The following DUSP19 variants were observed in gnomAD, a reference collection of about 807,000 sequenced individuals.
DUSP19 encodes the protein dual specificity phosphatase 19.
Under a neutral mutation model 16.6 loss-of-function variants are expected in DUSP19, and 14 were observed. The observed-to-expected ratio is 0.84, with a 90% CI of 0.56 to 1.32. DUSP19 has a LOEUF of 1.32. DUSP19 is among the 40% of genes most tolerant of loss of function. The pLI is 0.00. For missense variants in DUSP19, 258 were observed against 255.9 expected (o/e 1.01, Z -0.06); for synonymous variants, 81 against 90.5 (o/e 0.90, Z 0.59).
At chr2:183,087,002 G>T in intron 2 of DUSP19, 38 bp from the exon 3 acceptor site, 1 of 1,582,922 alleles carries the variant, frequency 6.3e-7, no homozygotes, top group South Asian at 1.2e-5. Context: ...CCTAATTCAT[G>T]GGATTTAAAA....
chr2:183,080,753 G>A (rs1299559270), intron 1 of DUSP19, among the ~76,000 whole-genome samples: 1 of 152,158 alleles, frequency 6.6e-6, no homozygotes, highest in African/African-American at 2.4e-5. Flanking sequence ...GGAGAGTCCT[G>A]GGAGGAACTT....
chr2:183,092,392 C>T (rs1347975343), intron 3 of DUSP19, among the ~76,000 whole-genome samples: 2 of 152,130 alleles, frequency 1.3e-5, no homozygotes, highest in Non-Finnish European at 2.9e-5. Context: ...CCTCCTCCTA[C>T]CCCACCTAAC....
In DUSP19 at chr2:183,078,920, C is replaced by T. The variant is rs776485394; in HGVS notation, c.-14C>T. On this transcript the variant is annotated 5_prime_UTR_variant, in exon 1 of 4. Coordinates refer to ENST00000354221, the MANE Select transcript of DUSP19 (RefSeq NM_080876.4). ...TGGATTTGTTTGTATTTGTTCCCAG[C>T]CACTGCTCATGTAATGTACTCCCTT... is the stretch of plus-strand genomic sequence containing the variant. 1 of 1,611,254 alleles carries T rather than the reference C, an allele frequency of 6.2e-7. No homozygotes were observed. The highest frequency in any genetic ancestry group is 8.5e-7 in the Non-Finnish European group (1 of 1,177,848).
At position 183,096,093 on chromosome 2, in the gene DUSP19, T is replaced by C. The variant is rs1239071645; in HGVS notation, c.*435T>C. On this transcript the variant is annotated 3_prime_UTR_variant, in exon 4 of 4. Transcript: ENST00000354221. ...TATATTTCTTTTTAAAGAATCTTTT[T>C]AAGATTAAAAATGAATACCTTAAAT... The C allele has an allele frequency of 1.3e-5, 2 of 152,692 alleles. No individual in the cohort carries two copies. Among genetic ancestry groups the C allele is most frequent in the Middle Eastern group, 3.1e-3 (1 of 318 alleles). The allele number at this position is 152,692 out of a possible 1,614,324, so 9.5% of individuals were successfully genotyped here. A position where few individuals can be genotyped will look rare whatever the true frequency, so the allele number is the denominator to read the frequency against.
chr2:183,092,587 T>C (rs1219636593), intron 3 of DUSP19, among the ~76,000 whole-genome samples: 1 of 152,156 alleles, frequency 6.6e-6, no homozygotes, highest in African/African-American at 2.4e-5. Flanking sequence ...TTTTTATGGC[T>C]GCATAGTATT....
chr2:183,088,298 A>G (rs1404385006), intron 3 of DUSP19, among the ~76,000 whole-genome samples: 1 of 152,108 alleles, frequency 6.6e-6, no homozygotes, highest in African/African-American at 2.4e-5. Context: ...AAACTGCCTA[A>G]CAACACATTT....
intron 1 of DUSP19, 100 bp downstream of exon 1, chr2:183,079,259 C>T: frequency 1.7e-6 from 2 of 1,193,208 alleles, no homozygotes; most frequent in Non-Finnish European, 1.2e-6. Context: ...ATCAGCTATC[C>T]TGCCGAAAAG....
At chr2:183,083,360 G>C in intron 1 of DUSP19, 148 bp from the exon 2 acceptor site, 1 of 640,854 alleles carries the variant, frequency 1.6e-6, no homozygotes, top group Non-Finnish European at 2.6e-6. Context: ...TAGGATGACT[G>C]TTATCAAATT....
At chr2:183,081,656 A>G (rs928333183) in intron 1 of DUSP19, among the ~76,000 whole-genome samples, 3 of 152,252 alleles carry the variant, frequency 2.0e-5, no homozygotes, top group Non-Finnish European at 4.4e-5. Context: ...TTTCAAATTT[A>G]TAGAAAATTA....
chr2:183,098,784 A>AT lies in DUSP19; in HGVS notation c.*3133dup, dbSNP rs1377992553. The AT allele has an allele frequency of 2.0e-5, 3 of 152,104 alleles. No individual in the cohort carries two copies. The highest frequency in any genetic ancestry group is 4.4e-5 in the Non-Finnish European group (3 of 67,996). 9.4% of individuals were successfully genotyped at this position (152,104 alleles called of 1,614,324 possible). A position where few individuals can be genotyped will look rare whatever the true frequency, so the allele number is the denominator to read the frequency against. On this transcript the variant is annotated 3_prime_UTR_variant, in exon 4 of 4. Transcript: ENST00000354221. ...GTTAATTGAAGTTAATAATTTTTAA[A>AT]TTTTTTTCTAATTTTATGCCTTAAA... is the stretch of plus-strand genomic sequence containing the variant.
intron 3 of DUSP19, 154 bp from the exon 4 acceptor site, chr2:183,095,277 G>T (rs1699783013): frequency 1.5e-6 from 1 of 675,866 alleles, no homozygotes; most frequent in African/African-American, 1.8e-5. Context: ...TGCTGGTAAT[G>T]AATTTTATTT....
rs1699837364 is a variant in DUSP19 at position 183,098,835 on chromosome 2, G to T, written c.*3177G>T. The T allele has an allele frequency of 6.6e-6, 1 of 152,042 alleles. No individual in the cohort carries two copies. The highest frequency in any genetic ancestry group is 6.5e-5 in the Admixed American group (1 of 15,274). The allele number at this position is 152,042 out of a possible 1,614,324, so 9.4% of individuals were successfully genotyped here. A position where few individuals can be genotyped will look rare whatever the true frequency, so the allele number is the denominator to read the frequency against. ...ATAGGTTTCTGATTACATAAAATTTGAATAGAACACTCAAGAAGTATGTAG... is the reference window on the plus strand; with the variant it reads ...ATAGGTTTCTGATTACATAAAATTTTAATAGAACACTCAAGAAGTATGTAG... On this transcript the variant is annotated 3_prime_UTR_variant, in exon 4 of 4. Coordinates refer to ENST00000354221, the MANE Select transcript of DUSP19 (RefSeq NM_080876.4).
At chr2:183,089,199 G>A (rs1486948870) in intron 3 of DUSP19, among the ~76,000 whole-genome samples, 4 of 152,166 alleles carry the variant, frequency 2.6e-5, no homozygotes, top group Non-Finnish European at 5.9e-5. Flanking sequence ...GTGATTCAAG[G>A]TGGGACGAGA....
intron 1 of DUSP19, among the ~76,000 whole-genome samples, chr2:183,079,780 A>C (rs1418292844): frequency 6.6e-6 from 1 of 152,258 alleles, no homozygotes; most frequent in African/African-American, 2.4e-5. Flanking sequence ...TAAAAGTGCA[A>C]ACTTGTTAAT....
intron 3 of DUSP19, among the ~76,000 whole-genome samples, chr2:183,093,168 GAC>G (rs1232256068): frequency 3.9e-5 from 6 of 152,158 alleles, no homozygotes; most frequent in Admixed American, 2.0e-4. Context: ...CAAGAACAAA[GAC>G]AACTCTATGA....
At position 183,095,768 on chromosome 2, in the gene DUSP19, T is replaced by A; in HGVS notation, c.*110T>A. On this transcript the variant is annotated 3_prime_UTR_variant, in exon 4 of 4. Transcript: ENST00000354221. ...GCAAAACTCCCTTTTTTCTCTTGCC[T>A]TTTTTATGCATAAATGGAGGTCAAT... The A allele has an allele frequency of 1.3e-6, 1 of 749,724 alleles. No individual in the cohort carries two copies. Among genetic ancestry groups the A allele is most frequent in the Non-Finnish European group, 2.1e-6 (1 of 473,348 alleles). The allele number at this position is 749,724 out of a possible 1,614,324, so 46.4% of individuals were successfully genotyped here. A position where few individuals can be genotyped will look rare whatever the true frequency, so the allele number is the denominator to read the frequency against.
chr2:183,082,826 G>A (rs143859220), intron 1 of DUSP19, among the ~76,000 whole-genome samples: 1 of 135,496 alleles, frequency 7.4e-6, no homozygotes, highest in Non-Finnish European at 1.6e-5. Flanking sequence ...TCGTTCGTTC[G>A]TTCCTTCCTT....
intron 2 of DUSP19, among the ~76,000 whole-genome samples, chr2:183,085,875 T>G (rs1699655099): frequency 7.7e-6 from 1 of 129,452 alleles, no homozygotes; most frequent in African/African-American, 2.8e-5. Flanking sequence ...TTTTTTTTTT[T>G]TTTTTTTTGA....
At chr2:183,081,757 A>G (rs1699594826) in intron 1 of DUSP19, among the ~76,000 whole-genome samples, 1 of 152,230 alleles carries the variant, frequency 6.6e-6, no homozygotes, top group South Asian at 2.1e-4. Flanking sequence ...ATAAAGCTGA[A>G]TGTGAGCTCA....
Sources: gnomAD v4.1 joint callset for allele counts (sites outside exome capture counted in the v4.1 genomes callset) on GRCh38, gnomAD v4.1.1 for gene constraint, MANE v1.5 for transcripts, NCBI Gene and HGNC (gene_info 2026-07-23, HGNC 2026-07-21) for gene names.